The following NRIP1 variants were observed in gnomAD, a reference collection of about 807,000 sequenced individuals.
NRIP1 encodes nuclear receptor-interacting protein 1.
Under a neutral mutation model 75.0 loss-of-function variants are expected in NRIP1, and 28 were observed. That is an observed-to-expected ratio of 0.37 (90% CI 0.28 to 0.51). The LOEUF is 0.51. Ranked by LOEUF, NRIP1 falls within the 20% of genes least tolerant of loss-of-function variation. The pLI is 0.92. For synonymous variants in NRIP1, 526 were observed against 487.6 expected (o/e 1.08, Z -1.04); for missense variants, 1,435 against 1,343.7 (o/e 1.07, Z -1.06).
At chr21:15,018,593 A>C (rs1002842705) in intron 2 of NRIP1, among the ~76,000 whole-genome samples, 1 of 152,200 alleles carries the variant, frequency 6.6e-6, no homozygotes, top group African/African-American at 2.4e-5. Context: ...TGACCAAAGT[A>C]GGTAGTAATG....
intron 3 of NRIP1, among the ~76,000 whole-genome samples, chr21:15,004,263 G>C (rs1345969138): frequency 6.6e-6 from 1 of 152,130 alleles, no homozygotes; most frequent in Non-Finnish European, 1.5e-5. Flanking sequence ...TACTTGTCCT[G>C]ATTCTACTTC....
At chr21:14,975,658 G>A (rs71322363) in intron 3 of NRIP1, among the ~76,000 whole-genome samples, 4 of 140,294 alleles carry the variant, frequency 2.9e-5, no homozygotes, top group African/African-American at 8.8e-5. Flanking sequence ...AGGAAGGAAG[G>A]GAGAGAGAGA....
intron 1 of NRIP1, chr21:15,050,403 T>G (rs1333379658): frequency 3.8e-6 from 1 of 263,532 alleles, no homozygotes; most frequent in Non-Finnish European, 7.5e-6. Context: ...GTTCACTGAT[T>G]ATGAGGACAA....
Position 14,965,006 on chromosome 21 carries a change from T to C in NRIP1, c.3187A>G (p.Lys1063Glu). The C allele has an allele frequency of 6.2e-7, 1 of 1,614,016 alleles. No homozygotes were observed. The highest frequency in any genetic ancestry group is 8.5e-7 in the Non-Finnish European group (1 of 1,179,920). ...EYEKDSPRLT[K>E]TNPILYYMLQ... ...ATGTAATATAGTATTGGGTTGGTTT[T>C]GGTCAATCTTGGAGAGTCTTTTTCA... The change falls in exon 4 of 4, where the codon AAA becomes GAA. Residue 1063 changes from lysine to glutamate, a missense_variant. Transcript: ENST00000318948.
At chr21:14,974,295 T>C (rs1157417417) in intron 3 of NRIP1, 2 of 152,204 alleles carry the variant, frequency 1.3e-5, no homozygotes, top group African/African-American at 2.4e-5. Context: ...GAAATATTTA[T>C]AAATATTGAT....
chr21:15,037,221 CT>C (rs973334771), intron 2 of NRIP1, among the ~76,000 whole-genome samples: 9 of 152,114 alleles, frequency 5.9e-5, no homozygotes, highest in Admixed American at 1.3e-4. Context: ...ACTTTGCAAC[CT>C]GTAAATTTCT....
intron 3 of NRIP1, among the ~76,000 whole-genome samples, chr21:14,981,809 A>G (rs913760024): frequency 2.0e-5 from 3 of 151,690 alleles, no homozygotes; most frequent in Non-Finnish European, 4.4e-5. Flanking sequence ...GGAATAGTAC[A>G]TATATACTAT....
intron 2 of NRIP1, among the ~76,000 whole-genome samples, chr21:15,022,477 C>G (rs1314763789): frequency 6.6e-6 from 1 of 152,130 alleles, no homozygotes; most frequent in Admixed American, 6.6e-5. Flanking sequence ...ATGCAGTAAA[C>G]CACATGGCAT....
Position 14,964,717 on chromosome 21 carries a change from T to C in NRIP1, c.3476A>G (p.Ter1159=), listed in dbSNP as rs151014587. The change falls in exon 4 of 4, where the codon TAA becomes TGA. Residue 1159 remains the stop codon, a stop_retained_variant. Transcript: ENST00000318948. ...CCAAAACTGGATGGCAGGTACATTT[T>C]ATTCTGATTCTTTCTTTATCGTTAG... The part of the protein sequence containing the change: ...SVLTIKKESE[*] The C allele has an allele frequency of 6.5e-7, 1 of 1,532,610 alleles. No homozygotes were observed. The highest frequency in any genetic ancestry group is 1.4e-5 in the African/African-American group (1 of 71,870). The allele number at this position is 1,532,610 out of a possible 1,614,324, so 94.9% of individuals were successfully genotyped here. A position where few individuals can be genotyped will look rare whatever the true frequency, so the allele number is the denominator to read the frequency against.
intron 2 of NRIP1, among the ~76,000 whole-genome samples, chr21:15,021,209 A>C (rs1349959421): frequency 6.6e-6 from 1 of 152,226 alleles, no homozygotes; most frequent in Non-Finnish European, 1.5e-5. Context: ...CCAACAAAAA[A>C]AGGGAATGAA....
At position 15,022,666 on chromosome 21, in the gene NRIP1, A is replaced by G. The variant is rs182932432; in HGVS notation, c.-457-8200T>C. ...TACAATTACTCTTTGGAGAATGCAA[A>G]AGTAGAATTAAGATGACTATCCACC... On this transcript the variant is annotated intron_variant, in intron 2 of 3. Coordinates refer to ENST00000318948, the MANE Select transcript of NRIP1 (RefSeq NM_003489.4). Among the ~76,000 whole-genome samples, 49 of 152,334 alleles carry G rather than the reference A, an allele frequency of 3.2e-4. No homozygotes were observed. In the East Asian group the frequency reaches 9.3e-3, roughly 29 times the overall value.
intron 3 of NRIP1, among the ~76,000 whole-genome samples, chr21:14,972,672 A>G (rs1451048532): frequency 2.0e-5 from 3 of 152,306 alleles, no homozygotes; most frequent in Admixed American, 1.3e-4. Context: ...GCAGTCCCCA[A>G]CCTTTTTGGC....
intron 3 of NRIP1, chr21:14,992,340 C>A (rs1206854850): frequency 6.6e-6 from 1 of 152,084 alleles, no homozygotes; most frequent in Non-Finnish European, 1.5e-5. Flanking sequence ...GAGCCACCAA[C>A]CCCTGCAGAG....
chr21:14,986,227 G>A (rs2087398904), intron 3 of NRIP1, among the ~76,000 whole-genome samples: 1 of 152,034 alleles, frequency 6.6e-6, no homozygotes. Context: ...CAATGAATAT[G>A]GCTAAATAAA....
At chr21:15,024,133 G>T (rs1003603854) in intron 2 of NRIP1, among the ~76,000 whole-genome samples, 1 of 152,110 alleles carries the variant, frequency 6.6e-6, no homozygotes, top group Non-Finnish European at 1.5e-5. Flanking sequence ...ACACAGAAAG[G>T]TTAACTATAT....
intron 2 of NRIP1, among the ~76,000 whole-genome samples, chr21:15,024,297 C>T (rs958074056): frequency 3.3e-5 from 5 of 152,172 alleles, no homozygotes; most frequent in African/African-American, 1.2e-4. Context: ...AATCCCAGCA[C>T]TTTGGGAGGC....
At chr21:15,041,503 T>G (rs570963639) in intron 2 of NRIP1, among the ~76,000 whole-genome samples, 1 of 152,268 alleles carries the variant, frequency 6.6e-6, no homozygotes, top group South Asian at 2.1e-4. Flanking sequence ...AACTTCTTCT[T>G]AAAAGGACCT....
chr21:15,056,755 C>T (rs925213675), intron 1 of NRIP1, among the ~76,000 whole-genome samples: 14 of 152,112 alleles, frequency 9.2e-5, no homozygotes, highest in Admixed American at 5.2e-4. Context: ...TATGTTTACA[C>T]GTCTTATTAT....
intron 1 of NRIP1, chr21:15,050,402 TTA>T: frequency 3.8e-6 from 1 of 263,292 alleles, no homozygotes; most frequent in Non-Finnish European, 7.5e-6. Context: ...AGTTCACTGA[TTA>T]TGAGGACAAT....
Sources: gnomAD v4.1 joint callset for allele counts (sites outside exome capture counted in the v4.1 genomes callset) on GRCh38, gnomAD v4.1.1 for gene constraint, MANE v1.5 for transcripts, NCBI Gene and HGNC (gene_info 2026-07-23, HGNC 2026-07-21) for gene names.